SLC36A1: variants seen among roughly 807,000 people sequenced by gnomAD.
SLC36A1 encodes proton-coupled amino acid transporter 1.
Under a neutral mutation model 47.5 loss-of-function variants are expected in SLC36A1, and 30 were observed. That is an observed-to-expected ratio of 0.63 (90% CI 0.47 to 0.86). SLC36A1 has a LOEUF of 0.86. SLC36A1 is among the 40% of genes least tolerant of loss of function. The pLI, the probability that SLC36A1 is intolerant of heterozygous loss-of-function variation, is 0.00. For synonymous variants in SLC36A1, 255 were observed against 249.7 expected (o/e 1.02, Z -0.20); for missense variants, 517 against 606.0 (o/e 0.85, Z 1.54).
the SLC36A1 span, among the ~76,000 whole-genome samples, chr5:151,427,676 G>A: frequency 6.6e-6 from 1 of 152,152 alleles, no homozygotes; most frequent in Non-Finnish European, 1.5e-5. Context: ...TCTCGGAAGT[G>A]CTGTCACTGG....
upstream of SLC36A1, chr5:151,447,522 G>C (rs540609840): frequency 6.6e-6 from 1 of 152,442 alleles, no homozygotes; most frequent in South Asian, 2.1e-4. Flanking sequence ...CAGAGCTCCG[G>C]AGCTCAGTGA....
chr5:151,417,372 G>T, the SLC36A1 span, among the ~76,000 whole-genome samples: 1 of 152,176 alleles, frequency 6.6e-6, no homozygotes, highest in African/African-American at 2.4e-5. Context: ...AGATGGTGAT[G>T]AGAAACTTGT....
intron 7 of SLC36A1, among the ~76,000 whole-genome samples, chr5:151,470,444 G>C (rs1757159456): frequency 6.6e-6 from 1 of 152,214 alleles, no homozygotes; most frequent in South Asian, 2.1e-4. Flanking sequence ...CCAGGACACA[G>C]AGCAATGTCT....
At chr5:151,507,187 C>G in the SLC36A1 span, 1 of 1,602,564 alleles carries the variant, frequency 6.2e-7, no homozygotes, top group Non-Finnish European at 8.5e-7. Context: ...CTCTTAATGA[C>G]AGGCTCATTG....
the SLC36A1 span, among the ~76,000 whole-genome samples, chr5:151,362,135 T>G: frequency 6.6e-6 from 1 of 152,204 alleles, no homozygotes; most frequent in Non-Finnish European, 1.5e-5. Context: ...TTTTCTGTTA[T>G]TATTTTTTAA....
chr5:151,512,075 G>A, the SLC36A1 span: 1 of 1,244,576 alleles, frequency 8.0e-7, no homozygotes. The surrounding 1 kb of genome is among the most constrained non-coding windows in gnomAD (Gnocchi z 4.1). Flanking sequence ...GGAACCAGGA[G>A]GCTCTGAGAT....
chr5:151,381,198 A>C, the SLC36A1 span: 1 of 399,986 alleles, frequency 2.5e-6, no homozygotes, highest in East Asian at 6.4e-5. Flanking sequence ...CTGCTAGCCC[A>C]TGGACTATAT....
chr5:151,469,084 G>A (rs907815631), intron 7 of SLC36A1, among the ~76,000 whole-genome samples: 1 of 130,134 alleles, frequency 7.7e-6, no homozygotes, highest in Non-Finnish European at 1.7e-5. Context: ...GTAAATAAAA[G>A]CATAACTTAA....
chr5:151,382,196 G>A, the SLC36A1 span: 2 of 1,159,608 alleles, frequency 1.7e-6, no homozygotes, highest in East Asian at 2.4e-5. Flanking sequence ...AGCAGCGTCT[G>A]ATGTCCTGGG....
the SLC36A1 span, among the ~76,000 whole-genome samples, chr5:151,384,313 C>G: frequency 3.9e-5 from 6 of 152,170 alleles, no homozygotes; most frequent in Non-Finnish European, 8.8e-5. Flanking sequence ...TAGTTACTTG[C>G]CTGAGAGGTC....
At chr5:151,482,621 T>A (rs1353410085) in intron 10 of SLC36A1, among the ~76,000 whole-genome samples, 1 of 152,228 alleles carries the variant, frequency 6.6e-6, no homozygotes, top group Non-Finnish European at 1.5e-5. Context: ...TTTATTTAGT[T>A]TTATATCACA....
intron 1 of SLC36A1, among the ~76,000 whole-genome samples, chr5:151,440,199 T>TG (rs1177565463): frequency 1.3e-5 from 2 of 152,178 alleles, no homozygotes; most frequent in Non-Finnish European, 2.9e-5. Context: ...CAGCTAGGGA[T>TG]GGGGCTGCAG....
At chr5:151,426,356 G>T in the SLC36A1 span, among the ~76,000 whole-genome samples, 1 of 152,044 alleles carries the variant, frequency 6.6e-6, no homozygotes, top group African/African-American at 2.4e-5. Flanking sequence ...CTCCTATCTC[G>T]GTGAGGGGGA....
At chr5:151,479,619 G>A in intron 10 of SLC36A1, 130 bp downstream of exon 10, 4 of 1,046,606 alleles carry the variant, frequency 3.8e-6, no homozygotes, top group Non-Finnish European at 5.5e-6. Flanking sequence ...CCTGGCCCAT[G>A]GCCTCACTTT....
the SLC36A1 span, among the ~76,000 whole-genome samples, chr5:151,415,997 C>T: frequency 6.6e-6 from 1 of 152,164 alleles, no homozygotes; most frequent in East Asian, 1.9e-4. Flanking sequence ...ATCCCAGCTA[C>T]TGGGGAGCTG....
At chr5:151,466,950 C>G (rs1231379624) in intron 5 of SLC36A1, among the ~76,000 whole-genome samples, 1 of 152,072 alleles carries the variant, frequency 6.6e-6, no homozygotes, top group Non-Finnish European at 1.5e-5. Context: ...TTGTCACTGC[C>G]AGGAAGGGTC....
At chr5:151,420,075 G>A in the SLC36A1 span, 1 of 152,226 alleles carries the variant, frequency 6.6e-6, no homozygotes, top group Non-Finnish European at 1.5e-5. Flanking sequence ...AAGGCTGAAT[G>A]GAAAGATGTA....
chr5:151,354,773 A>G, the SLC36A1 span, among the ~76,000 whole-genome samples: 2 of 152,206 alleles, frequency 1.3e-5, no homozygotes, highest in Admixed American at 1.3e-4. Context: ...ACCCCTGCAC[A>G]TGCACATACC....
At chr5:151,474,769 A>G (rs2127520361) in intron 8 of SLC36A1, among the ~76,000 whole-genome samples, 1 of 152,216 alleles carries the variant, frequency 6.6e-6, no homozygotes, top group African/African-American at 2.4e-5. Flanking sequence ...TTTGAATTTT[A>G]TTTGTATTTT....
Sources: gnomAD v4.1 joint callset for allele counts (sites outside exome capture counted in the v4.1 genomes callset) on GRCh38, gnomAD v4.1.1 for gene constraint, Gnocchi (gnomAD v3.1) non-coding constraint, MANE v1.5 for transcripts, NCBI Gene and HGNC (gene_info 2026-07-23, HGNC 2026-07-21) for gene names.